Variants in SLC25A13 observed in about 807,000 individuals in gnomAD.
The protein encoded by SLC25A13 is solute carrier family 25 member 13.
SLC25A13 carries 70 observed loss-of-function variants against 85.5 expected under a neutral mutation model. The observed-to-expected ratio is 0.82, with a 90% CI of 0.68 to 1.00. SLC25A13 has a LOEUF of 1.00. SLC25A13 is among the 50% of genes least tolerant of loss of function. The probability of loss-of-function intolerance (pLI) is 0.00; values close to 1 mark genes in which losing one functional copy is unlikely to be tolerated. For synonymous variants in SLC25A13, 259 were observed against 288.7 expected, an observed-to-expected ratio of 0.90 and a Z score of 1.04; for missense variants, 765 against 819.8, an observed-to-expected ratio of 0.93 and a Z score of 0.82.
intron 1 of SLC25A13, among the ~76,000 whole-genome samples, chr7:96,320,476 T>TA (rs1800298527): frequency 6.6e-6 from 1 of 152,186 alleles, no homozygotes; most frequent in Non-Finnish European, 1.5e-5. Flanking sequence ...CTCTAGGGAA[T>TA]TAGTTCATAC....
chr7:96,209,507 A>G (rs1465462790), intron 4 of SLC25A13, among the ~76,000 whole-genome samples: 1 of 152,228 alleles, frequency 6.6e-6, no homozygotes, highest in African/African-American at 2.4e-5. Context: ...CTGTGTTTGA[A>G]AAAGTCCAAC....
intron 2 of SLC25A13, among the ~76,000 whole-genome samples, chr7:96,295,822 C>CAT (rs916784989): frequency 9.3e-5 from 14 of 150,590 alleles, no homozygotes; most frequent in African/African-American, 1.5e-4. Flanking sequence ...TTTAGAAAAA[C>CAT]ATATATATAT....
intron 3 of SLC25A13, among the ~76,000 whole-genome samples, chr7:96,273,145 C>A (rs1305562488): frequency 6.6e-6 from 1 of 152,176 alleles, no homozygotes; most frequent in Non-Finnish European, 1.5e-5. Flanking sequence ...AGAATTTATC[C>A]TGAATTGAAT....
chr7:96,196,963 T>A (rs545168455), intron 5 of SLC25A13, among the ~76,000 whole-genome samples: 1 of 152,318 alleles, frequency 6.6e-6, no homozygotes, highest in South Asian at 2.1e-4. Flanking sequence ...TTTACAGGAA[T>A]TAATTCATGG....
rs779155718 is a variant in SLC25A13, at chr7:96,234,950, A to T, written c.213-33T>A. On this transcript the variant is annotated intron_variant, in intron 3 of 17. Coordinates refer to ENST00000265631, the MANE Select transcript of SLC25A13 (RefSeq NM_014251.3). The stretch of plus-strand genomic sequence containing the variant: ...ATAAAACAAACATAAAGCAAAAGTC[A>T]GTAGCTTGTGGAAAACAGAAGCATA... 1.4e-5 allele frequency: 21 copies of T among 1,544,208 alleles called. No homozygotes were observed. The East Asian group carries it at 4.3e-4, about 32-fold the overall frequency.
In SLC25A13 at chr7:96,307,493, C is replaced by T. The variant is rs750961381; in HGVS notation, c.16-10542G>A. ...AGGTGGGAGGACTGTTGGTTGAGAC[C>T]GCAGTGAGCCATAATCGCGCCACTG... On this transcript the variant is annotated intron_variant, in intron 1 of 17. Transcript: ENST00000265631. Among the ~76,000 whole-genome samples, 9 of 151,202 alleles carry T rather than the reference C, an allele frequency of 6.0e-5. No individual in the cohort carries two copies. The East Asian group carries it at 7.9e-4, about 13-fold the overall frequency.
chr7:96,289,259 G>A (rs531221901), intron 2 of SLC25A13, among the ~76,000 whole-genome samples: 16 of 152,178 alleles, frequency 1.1e-4, no homozygotes, highest in Non-Finnish European at 1.6e-4. Flanking sequence ...CCATCTGTAC[G>A]TCACCATCAT....
intron 13 of SLC25A13, among the ~76,000 whole-genome samples, chr7:96,162,542 A>G (rs751948795): frequency 3.9e-5 from 6 of 152,192 alleles, no homozygotes; most frequent in Non-Finnish European, 8.8e-5. Flanking sequence ...AGGTTTGCCA[A>G]TCAGATTTCC....
chr7:96,155,237 C>A (rs1476665311), intron 13 of SLC25A13, among the ~76,000 whole-genome samples: 1 of 152,118 alleles, frequency 6.6e-6, no homozygotes, highest in Non-Finnish European at 1.5e-5. Flanking sequence ...CAAATTTCTG[C>A]AAAAATTCAG....
At chr7:96,155,152 A>T in intron 13 of SLC25A13, among the ~76,000 whole-genome samples, 1 of 152,014 alleles carries the variant, frequency 6.6e-6, no homozygotes, top group East Asian at 1.9e-4. Context: ...CTCTTTATTG[A>T]GAGTACATAG....
intron 5 of SLC25A13, among the ~76,000 whole-genome samples, chr7:96,195,719 A>G (rs551656634): frequency 6.6e-6 from 1 of 152,238 alleles, no homozygotes; most frequent in African/African-American, 2.4e-5. Flanking sequence ...GCTTTTGCCC[A>G]CATCGTTACT....
In SLC25A13 at chr7:96,170,065, C is replaced by A; in HGVS notation, c.1291G>T (p.Glu431Ter). 1.2e-6 allele frequency: 2 copies of A among 1,614,194 alleles called. No individual in the cohort carries two copies. Among genetic ancestry groups the A allele is most frequent in the South Asian group, 2.2e-5 (2 of 91,082 alleles). Residue 431 changes from glutamate (E) to a stop codon, truncating the protein, a stop_gained, in exon 13 of 18, where the codon GAA (glutamate) becomes TAA (stop). Transcript: ENST00000265631. LOFTEE classifies it high-confidence loss of function. ...HKDGSVPLAA[E>*]ILAGGCAGGS... ...CTTACGCAGCCTCCAGCAAGAATTT[C>A]TGCTGCAAGTGGGACCGAACCATCT... is the stretch of plus-strand genomic sequence containing the variant.
At chr7:96,169,948 G>A in intron 13 of SLC25A13, 97 bp downstream of exon 13, 6 of 1,237,534 alleles carry the variant, frequency 4.8e-6, no homozygotes, top group Non-Finnish European at 7.2e-6. Flanking sequence ...CAGGATCTGT[G>A]GTTAAACAGA....
intron 13 of SLC25A13, 48 bp downstream of exon 13, chr7:96,169,997 T>C (rs1265141347): frequency 2.6e-6 from 4 of 1,548,290 alleles, no homozygotes; most frequent in Admixed American, 1.7e-5. Flanking sequence ...TAGTGATATA[T>C]ATGTGAAACA....
chr7:96,186,050 C>G (rs1023056231), intron 9 of SLC25A13, among the ~76,000 whole-genome samples: 2 of 152,054 alleles, frequency 1.3e-5, no homozygotes, highest in Non-Finnish European at 2.9e-5. Context: ...TGATAACAAG[C>G]CTTCTGAAAT....
intron 1 of SLC25A13, among the ~76,000 whole-genome samples, chr7:96,306,453 G>A (rs1799746897): frequency 6.6e-6 from 1 of 152,222 alleles, no homozygotes; most frequent in Non-Finnish European, 1.5e-5. Flanking sequence ...AGAGCCTTGG[G>A]CCTGTGTGGC....
At chr7:96,131,668 A>G in intron 15 of SLC25A13, 75 bp downstream of exon 15, 7 of 1,603,196 alleles carry the variant, frequency 4.4e-6, no homozygotes, top group South Asian at 1.1e-5. Flanking sequence ...AAAAATTTCA[A>G]TGTAGTAGCA....
chr7:96,130,228 G>T (rs1791965245), intron 15 of SLC25A13, among the ~76,000 whole-genome samples: 1 of 152,180 alleles, frequency 6.6e-6, no homozygotes, highest in Non-Finnish European at 1.5e-5. Flanking sequence ...TTTTTATGGT[G>T]TGAGGAAAGT....
intron 13 of SLC25A13, among the ~76,000 whole-genome samples, chr7:96,162,721 A>G (rs905070427): frequency 1.3e-5 from 2 of 152,242 alleles, no homozygotes; most frequent in African/African-American, 4.8e-5. Context: ...TTCTTCAGGA[A>G]GAGAAGAAGT....
Sources: gnomAD v4.1 joint callset for allele counts (sites outside exome capture counted in the v4.1 genomes callset) on GRCh38, gnomAD v4.1.1 for gene constraint, MANE v1.5 for transcripts, NCBI Gene and HGNC (gene_info 2026-07-23, HGNC 2026-07-21) for gene names.